The following HDAC5 variants were observed in gnomAD, a reference collection of about 807,000 sequenced individuals.
The protein encoded by HDAC5 is antigen NY-CO-9.
A neutral mutation model predicts 133.3 loss-of-function variants in HDAC5; 25 were observed. That is an observed-to-expected ratio of 0.19 (90% CI 0.14 to 0.26). The LOEUF (loss-of-function observed/expected upper bound fraction) is 0.26. Ranked by LOEUF, HDAC5 falls within the 10% of genes least tolerant of loss-of-function variation. HDAC5 has a pLI of 1.00. For synonymous variants in HDAC5, 589 were observed against 610.8 expected (o/e 0.96, Z 0.53); for missense variants, 1,041 against 1,460.5 (o/e 0.71, Z 4.68).
chr17:44,100,417 A>G (rs1284152865), intron 3 of HDAC5, among the ~76,000 whole-genome samples: 1 of 151,894 alleles, frequency 6.6e-6, no homozygotes, highest in Non-Finnish European at 1.5e-5. Flanking sequence ...ATCTAGCTCT[A>G]AAAGACCCTG....
Position 44,077,586 on chromosome 17 carries a change from G to A in HDAC5, c.*790C>T, listed in dbSNP as rs1189343675. 6.6e-6 allele frequency: 1 copy of A among 152,298 alleles called. No homozygotes were observed. The highest frequency in any genetic ancestry group is 1.9e-4 in the East Asian group (1 of 5,194). 9.4% of individuals were successfully genotyped at this position (152,298 alleles called of 1,614,324 possible). A position where few individuals can be genotyped will look rare whatever the true frequency, so the allele number is the denominator to read the frequency against. ...CTTGCCCAGGCTGTGCCAGCAGAGG[G>A]GCAGGGAGGCCATCCGAGTAAGGTG... On this transcript the variant is annotated 3_prime_UTR_variant, in exon 27 of 27. Transcript: ENST00000682912.
intron 10 of HDAC5, 60 bp downstream of exon 10, chr17:44,091,640 G>A: frequency 6.6e-7 from 1 of 1,509,298 alleles, no homozygotes; most frequent in Non-Finnish European, 8.9e-7. Flanking sequence ...CCAGCTGGGG[G>A]CATGCAGGAC....
In HDAC5 at chr17:44,117,833, A is replaced by T; in HGVS notation, c.-189-129T>A. 1.8e-6 allele frequency: 1 copy of T among 560,600 alleles called. No homozygotes were observed. The highest frequency in any genetic ancestry group is 3.2e-6 in the Non-Finnish European group (1 of 314,224). The allele number at this position is 560,600 out of a possible 1,614,324, so 34.7% of individuals were successfully genotyped here. On this transcript the variant is annotated intron_variant, in intron 1 of 26. Coordinates refer to ENST00000682912, the MANE Select transcript of HDAC5 (RefSeq NM_005474.5). The surrounding 1 kb of genome is among the most constrained non-coding windows in gnomAD (Gnocchi z 4.2). ...GGGAGGGATACCTGCCCACAGCCACAGGAGAAATCTGCAGAACTGGATAGA... is the reference window on the plus strand; with the variant it reads ...GGGAGGGATACCTGCCCACAGCCACTGGAGAAATCTGCAGAACTGGATAGA...
intron 5 of HDAC5, 34 bp from the exon 6 acceptor site, chr17:44,093,240 G>C: frequency 6.3e-7 from 1 of 1,590,746 alleles, no homozygotes; most frequent in East Asian, 2.2e-5. Context: ...CTGGCTGCTT[G>C]GGGCCAGACC....
intron 20 of HDAC5, 33 bp from the exon 21 acceptor site, chr17:44,080,915 G>A: frequency 6.2e-7 from 1 of 1,613,880 alleles, no homozygotes; most frequent in Non-Finnish European, 8.5e-7. Context: ...CGGGAAAATG[G>A]CCCGCGCTCT....
chr17:44,078,763 C>T (rs751814422), intron 25 of HDAC5, 32 bp downstream of exon 25: 5 of 1,612,300 alleles, frequency 3.1e-6, no homozygotes, highest in Non-Finnish European at 4.2e-6. Flanking sequence ...GCCCCCTTGG[C>T]AGCCTGAGCC....
intron 20 of HDAC5, among the ~76,000 whole-genome samples, chr17:44,081,416 ATTT>A: frequency 6.7e-6 from 1 of 150,374 alleles, no homozygotes; most frequent in South Asian, 2.1e-4. Flanking sequence ...TGCCCGGCCA[ATTT>A]TTTTTGTATT....
At chr17:44,085,373 C>A (rs2050598074) in intron 14 of HDAC5, 2 of 427,174 alleles carry the variant, frequency 4.7e-6, no homozygotes, top group South Asian at 9.5e-5. Flanking sequence ...GTCACCCAGG[C>A]TGGAGTGGAG....
chr17:44,097,088 G>GC (rs1357131143), intron 3 of HDAC5, among the ~76,000 whole-genome samples: 3 of 152,200 alleles, frequency 2.0e-5, no homozygotes, highest in Non-Finnish European at 2.9e-5. Context: ...GCTAAGAGAG[G>GC]CCCCCACACC....
At chr17:44,102,895 C>T (rs996698680) in intron 3 of HDAC5, among the ~76,000 whole-genome samples, 24 of 151,514 alleles carry the variant, frequency 1.6e-4, no homozygotes, top group Non-Finnish European at 2.9e-4. Flanking sequence ...CTCTATCCCC[C>T]GACCTCAGCT....
At chr17:44,081,302 T>G (rs536707299) in intron 20 of HDAC5, among the ~76,000 whole-genome samples, 1 of 151,974 alleles carries the variant, frequency 6.6e-6, no homozygotes, top group South Asian at 2.1e-4. Context: ...CAGGCTAGAG[T>G]GCAGTGGCAC....
At position 44,091,317 on chromosome 17, in the gene HDAC5, T is replaced by A; in HGVS notation, c.1340A>T (p.His447Leu). The A allele has an allele frequency of 6.2e-7, 1 of 1,611,818 alleles. No individual in the cohort carries two copies. The highest frequency in any genetic ancestry group is 8.5e-7 in the Non-Finnish European group (1 of 1,179,364). ...CCGGGCCTGCTCCAGCAACAGCACA[T>A]GCTGCAGCAGGGAGGCATGCCCGTG... Reference protein sequence around the residue: ...SPHGHASLLQHVLLLEQARQQ... With the variant: ...SPHGHASLLQLVLLLEQARQQ... Residue 447 changes from histidine (H) to leucine (L), a missense_variant, in exon 11 of 27, where the codon CAT becomes CTT. Coordinates refer to ENST00000682912, the MANE Select transcript of HDAC5 (RefSeq NM_005474.5).
At chr17:44,079,639 C>CAAAAA (rs773678478) in intron 23 of HDAC5, among the ~76,000 whole-genome samples, 156 of 63,408 alleles carry the variant, frequency 2.5e-3, no homozygotes, top group Middle Eastern at 8.1e-3. Context: ...GACTCCACCT[C>CAAAAA]AAAAAAAAAA....
intron 2 of HDAC5, among the ~76,000 whole-genome samples, chr17:44,114,443 G>A (rs370245513): frequency 2.0e-5 from 3 of 152,170 alleles, no homozygotes; most frequent in Non-Finnish European, 2.9e-5. Flanking sequence ...GGCGTGGGGG[G>A]GGGGGGCTGC....
intron 14 of HDAC5, among the ~76,000 whole-genome samples, chr17:44,085,585 T>C (rs1022635088): frequency 1.3e-5 from 2 of 152,100 alleles, no homozygotes; most frequent in African/African-American, 4.8e-5. Flanking sequence ...CACTGCAACC[T>C]CTGCCTCCTG....
intron 20 of HDAC5, among the ~76,000 whole-genome samples, chr17:44,081,121 G>A (rs1044853018): frequency 1.3e-5 from 2 of 152,178 alleles, no homozygotes; most frequent in African/African-American, 4.8e-5. Context: ...TCTGTGGGGT[G>A]GCACTGTGTA....
rs540923297 is a variant in HDAC5, at chr17:44,090,877, G to A, written c.1387+393C>T. On this transcript the variant is annotated intron_variant, in intron 11 of 26. Coordinates refer to ENST00000682912, the MANE Select transcript of HDAC5 (RefSeq NM_005474.5). ...GCTAATTTTTTGTATTTTTAGTAGA[G>A]ACGGGGTTTCACCATGTTAGCCAGA... Among the ~76,000 whole-genome samples the A allele has an allele frequency of 7.0e-4, 107 of 152,250 alleles. 3 individuals carry two copies. The highest frequency in any genetic ancestry group is 2.3e-3 in the African/African-American group (97 of 41,540).
At chr17:44,091,073 T>A (rs1397517686) in intron 11 of HDAC5, among the ~76,000 whole-genome samples, 197 bp downstream of exon 11, 1 of 152,226 alleles carries the variant, frequency 6.6e-6, no homozygotes, top group Non-Finnish European at 1.5e-5. Flanking sequence ...TGCTCTGGGA[T>A]GTGAACGCCA....
intron 2 of HDAC5, among the ~76,000 whole-genome samples, chr17:44,113,203 G>A (rs1008807967): frequency 6.6e-6 from 1 of 152,190 alleles, no homozygotes; most frequent in African/African-American, 2.4e-5. Context: ...AGAGGAAGGC[G>A]TCAGTTACCA....
Sources: gnomAD v4.1 joint callset for allele counts (sites outside exome capture counted in the v4.1 genomes callset) on GRCh38, gnomAD v4.1.1 for gene constraint, Gnocchi (gnomAD v3.1) non-coding constraint, MANE v1.5 for transcripts, NCBI Gene and HGNC (gene_info 2026-07-23, HGNC 2026-07-21) for gene names.